Variants in TMEM59 observed in about 807,000 individuals in gnomAD.
TMEM59 encodes the protein dendritic cell factor 1.
Under a neutral mutation model 42.2 loss-of-function variants are expected in TMEM59, and 44 were observed. The observed-to-expected ratio is 1.04, with a 90% confidence interval of 0.82 to 1.34. The LOEUF (loss-of-function observed/expected upper bound fraction) is 1.34, where lower values mean the gene tolerates loss of function less well. Among genes scored for constraint, TMEM59 ranks in the 40% most tolerant of loss-of-function variants. The pLI is 0.00. For missense variants in TMEM59, 359 were observed against 382.8 expected (o/e 0.94, Z 0.52); for synonymous variants, 148 against 145.8 (o/e 1.02, Z -0.11).
chr1:54,040,023 T>C (rs1170808633), intron 6 of TMEM59, among the ~76,000 whole-genome samples: 1 of 152,182 alleles, frequency 6.6e-6, no homozygotes, highest in Non-Finnish European at 1.5e-5. Flanking sequence ...AGAGCTGATA[T>C]TCCTTAGTAT....
chr1:54,047,405 A>T (rs575858650), intron 1 of TMEM59, 33 bp from the exon 2 acceptor site: 1 of 1,568,842 alleles, frequency 6.4e-7, no homozygotes, highest in Admixed American at 1.8e-5. Flanking sequence ...GGGTTACCAA[A>T]AAATAGTATT....
chr1:54,045,918 T>A, intron 2 of TMEM59, 132 bp from the exon 3 acceptor site: 1 of 692,590 alleles, frequency 1.4e-6, no homozygotes, highest in Non-Finnish European at 2.3e-6. Context: ...CCAAATTTGG[T>A]AATATAGTAG....
intron 7 of TMEM59, chr1:54,033,541 G>C (rs539841988): frequency 2.0e-5 from 3 of 148,582 alleles, no homozygotes; most frequent in Admixed American, 6.7e-5. Flanking sequence ...GGCAGAGATT[G>C]CAGTGGGGTG....
intron 6 of TMEM59, among the ~76,000 whole-genome samples, chr1:54,037,775 C>A (rs919218142): frequency 1.3e-5 from 2 of 152,156 alleles, no homozygotes; most frequent in Admixed American, 1.3e-4. Context: ...CCATATGATT[C>A]TTTAAGTATC....
chr1:54,032,853 G>A (rs954376282), intron 7 of TMEM59, among the ~76,000 whole-genome samples: 3 of 150,822 alleles, frequency 2.0e-5, no homozygotes, highest in Admixed American at 6.6e-5. Flanking sequence ...AAACTCATTG[G>A]AGAATAATAG....
chr1:54,048,011 G>C (rs2100331365), intron 1 of TMEM59: 1 of 152,476 alleles, frequency 6.6e-6, no homozygotes, highest in African/African-American at 2.4e-5. Flanking sequence ...GATATAACTA[G>C]AACTTTAACA....
At chr1:54,036,053 G>A (rs1396136498) in intron 7 of TMEM59, among the ~76,000 whole-genome samples, 1 of 152,206 alleles carries the variant, frequency 6.6e-6, no homozygotes, top group East Asian at 1.9e-4. Flanking sequence ...GGAGGCAGAG[G>A]TGGGCAGGTC....
At chr1:54,052,235 T>TTAGG (rs1432122233) in intron 1 of TMEM59, among the ~76,000 whole-genome samples, 1 of 151,544 alleles carries the variant, frequency 6.6e-6, no homozygotes. Context: ...GTGAAGAGGG[T>TTAGG]TAGGTATGTA....
chr1:54,033,835 T>C (rs1397465490), intron 7 of TMEM59: 8 of 151,514 alleles, frequency 5.3e-5, no homozygotes, highest in African/African-American at 1.9e-4. Context: ...CATGCTATCC[T>C]GGCTGGGCGT....
intron 7 of TMEM59, among the ~76,000 whole-genome samples, chr1:54,035,577 A>G (rs1054870512): frequency 4.6e-5 from 7 of 152,100 alleles, no homozygotes; most frequent in African/African-American, 1.7e-4. Flanking sequence ...GTTAGATACC[A>G]GAATATAACA....
At chr1:54,045,372 G>A (rs1280264587) in intron 3 of TMEM59, 1 of 285,520 alleles carries the variant, frequency 3.5e-6, no homozygotes, top group Non-Finnish European at 6.5e-6. Context: ...TGTCCAATGG[G>A]AGTTGGGATG....
At chr1:54,046,560 T>C (rs1379617959) in intron 2 of TMEM59, among the ~76,000 whole-genome samples, 1 of 152,206 alleles carries the variant, frequency 6.6e-6, no homozygotes, top group Non-Finnish European at 1.5e-5. Flanking sequence ...TGGACAGCAT[T>C]ATGCATATAT....
chr1:54,045,265 A>G (rs557804385), intron 3 of TMEM59, among the ~76,000 whole-genome samples: 2 of 152,370 alleles, frequency 1.3e-5, no homozygotes, highest in South Asian at 4.1e-4. Flanking sequence ...GACACAGCAA[A>G]GGATGGAGTT....
chr1:54,031,947 C>A lies in TMEM59; in HGVS notation c.*203G>T. 2.3e-6 allele frequency: 1 copy of A among 437,904 alleles called. No individual in the cohort carries two copies. Among genetic ancestry groups the A allele is most frequent in the East Asian group, 3.6e-5 (1 of 27,926 alleles). The allele number at this position is 437,904 out of a possible 1,614,324, so 27.1% of individuals were successfully genotyped here. A position where few individuals can be genotyped will look rare whatever the true frequency, so the allele number is the denominator to read the frequency against. On this transcript the variant is annotated 3_prime_UTR_variant, in exon 8 of 8. Coordinates refer to ENST00000234831, the MANE Select transcript of TMEM59 (RefSeq NM_004872.5). ...TACAGATATTAGTAAAATAATAATA[C>A]AATCCCAAACATCCACCTCTTAAAT...
intron 7 of TMEM59, among the ~76,000 whole-genome samples, 200 bp from the exon 8 acceptor site, chr1:54,032,505 C>T (rs889678404): frequency 1.3e-5 from 2 of 152,226 alleles, no homozygotes; most frequent in Non-Finnish European, 1.5e-5. Flanking sequence ...AGCTGTTCCA[C>T]GTCTCAAGTT....
intron 4 of TMEM59, 27 bp downstream of exon 4, chr1:54,043,346 G>A: frequency 6.7e-7 from 1 of 1,501,746 alleles, no homozygotes; most frequent in East Asian, 2.4e-5. Context: ...TTAGTATTTA[G>A]ATGAATCCAT....
intron 2 of TMEM59, among the ~76,000 whole-genome samples, chr1:54,047,066 T>C (rs1657364306): frequency 6.6e-6 from 1 of 152,208 alleles, no homozygotes; most frequent in Non-Finnish European, 1.5e-5. Flanking sequence ...AAATAAACAC[T>C]GTCTCAACAA....
At chr1:54,049,142 C>T (rs1657444413) in intron 1 of TMEM59, among the ~76,000 whole-genome samples, 1 of 152,126 alleles carries the variant, frequency 6.6e-6, no homozygotes, top group African/African-American at 2.4e-5. Context: ...TGAAAAGAGC[C>T]GAGGTTTCAG....
rs1219985091 is a variant in TMEM59, at chr1:54,041,799, G to A, written c.550C>T (p.Pro184Ser). 2 of 1,611,296 alleles carry A rather than the reference G, an allele frequency of 1.2e-6. No individual in the cohort carries two copies. The highest frequency in any genetic ancestry group is 8.5e-7 in the Non-Finnish European group (1 of 1,178,600). The change falls in exon 5 of 8, where the codon CCA (proline) becomes TCA (serine). Residue 184 changes from proline (P) to serine (S), a missense_variant. Coordinates refer to ENST00000234831, the MANE Select transcript of TMEM59 (RefSeq NM_004872.5). The stretch of plus-strand genomic sequence containing the variant: ...AAATGTGGTGCGTACTGGATTTCTG[G>A]CTTAGACTAAAATAATAATGAAAGC... Reference protein sequence around the residue: ...DGKIVIFQSKPEIQYAPHLEQ... With the variant: ...DGKIVIFQSKSEIQYAPHLEQ...
Sources: allele counts gnomAD v4.1 joint callset (sites outside exome capture counted in the v4.1 genomes callset), GRCh38; gene constraint gnomAD v4.1.1; transcripts MANE v1.5; gene names NCBI Gene and HGNC (gene_info 2026-07-23, HGNC 2026-07-21).